Variants in FAT4 observed in about 807,000 individuals in gnomAD.
FAT4 encodes the protein FAT atypical cadherin 4.
A neutral mutation model predicts 303.9 loss-of-function variants in FAT4; 84 were observed. That is an observed-to-expected ratio of 0.28 (90% CI 0.23 to 0.33). The LOEUF is 0.33. FAT4 is among the 10% of genes least tolerant of loss of function. The pLI, the probability that FAT4 is intolerant of heterozygous loss-of-function variation, is 1.00. For synonymous variants in FAT4, 2,307 were observed against 2,298.8 expected (o/e 1.00, Z -0.10); for missense variants, 6,005 against 6,146.8 (o/e 0.98, Z 0.77).
chr4:125,318,286 A>G lies in FAT4; in HGVS notation c.1875A>G (p.Ala625=), dbSNP rs973168858. The change falls in exon 2 of 18, where the codon GCA becomes GCG. Residue 625 remains alanine (A), a synonymous_variant. Coordinates refer to ENST00000394329, the MANE Select transcript of FAT4 (RefSeq NM_001291303.3). ...CAGTGCGCTTCTCCTTACAAGAGGC[A>G]GAGACTGACCGGAGGTCCTTCCGTC... ...NGTVRFSLQE[A]ETDRRSFRLD... 1 of 1,614,232 alleles carries G rather than the reference A, an allele frequency of 6.2e-7. No homozygotes were observed. The highest frequency in any genetic ancestry group is 2.2e-5 in the East Asian group (1 of 44,864).
intron 17 of FAT4, among the ~76,000 whole-genome samples, chr4:125,488,309 C>G (rs1419694752): frequency 1.3e-5 from 2 of 152,088 alleles, no homozygotes; most frequent in Admixed American, 1.3e-4. Context: ...CAGTTTTGGT[C>G]TTATTTACAG....
intron 2 of FAT4, among the ~76,000 whole-genome samples, 200 bp downstream of exon 2, chr4:125,321,786 A>C (rs1730964208): frequency 6.6e-6 from 1 of 152,188 alleles, no homozygotes; most frequent in Non-Finnish European, 1.5e-5. Context: ...TAAACAACAA[A>C]CTTTCTTTTC....
chr4:125,320,206 TC>T lies in FAT4; in HGVS notation c.3796del (p.Gln1266ArgfsTer2). 6.2e-7 allele frequency: 1 copy of T among 1,613,760 alleles called. No individual in the cohort carries two copies. The highest frequency in any genetic ancestry group is 8.5e-7 in the Non-Finnish European group (1 of 1,179,624). On this transcript the variant is annotated frameshift_variant, in exon 2 of 18. Transcript: ENST00000394329. LOFTEE classifies it high-confidence loss of function. ...AGTTTGCTATAGACAGTACCTCTGGTCAGGTAACACTAATTGGCAAATTAGA... is the reference window on the plus strand; with the variant it reads ...AGTTTGCTATAGACAGTACCTCTGGTAGGTAACACTAATTGGCAAATTAGA... ...RQFAIDSTSGQVTLIGKLDYE... is the reference protein window; with the variant it reads ...RQFAIDSTSGXVTLIGKLDYE...
In FAT4 at chr4:125,449,276, A is replaced by G. The variant is rs764341477; in HGVS notation, c.8266A>G (p.Ser2756Gly). 2 of 1,613,872 alleles carry G rather than the reference A, an allele frequency of 1.2e-6. No individual in the cohort carries two copies. Among genetic ancestry groups the G allele is most frequent in the Non-Finnish European group, 1.7e-6 (2 of 1,179,916 alleles). The change falls in exon 10 of 18, where the codon AGT becomes GGT. Residue 2756 changes from serine (S) to glycine (G), a missense_variant. Transcript: ENST00000394329. ...ATCAGACAAAGGGTCCCCGTCTCAG[A>G]GTACTTCAGTAAAAGTCATGATTAA... Reference protein sequence around the residue: ...KSSDKGSPSQSTSVKVMINIL... With the variant: ...KSSDKGSPSQGTSVKVMINIL...
chr4:125,432,996 C>G (rs1235624689), intron 7 of FAT4, among the ~76,000 whole-genome samples: 1 of 152,108 alleles, frequency 6.6e-6, no homozygotes, highest in African/African-American at 2.4e-5. Context: ...TCCATAATTT[C>G]CCCATCTGTT....
rs1419162921 is a variant in FAT4 at position 125,415,617 on chromosome 4, T to G, written c.6654T>G (p.Asp2218Glu). The change falls in exon 6 of 18, where the codon GAT (aspartate) becomes GAG (glutamate). Residue 2218 changes from aspartate (D) to glutamate (E), a missense_variant. By Grantham distance (45) the Asp-to-Glu change is conservative. Transcript: ENST00000394329. Reference sequence around the variant, plus strand: ...CCATCACTGTCGCTAAACCTTTGGATAGAGAAAAGACCCCTACCTACCATT... The same window carrying G: ...CCATCACTGTCGCTAAACCTTTGGAGAGAGAAAAGACCCCTACCTACCATT... ...TGAITVAKPL[D>E]REKTPTYHLT... The G allele has an allele frequency of 6.2e-7, 1 of 1,614,016 alleles. No individual in the cohort carries two copies. The highest frequency in any genetic ancestry group is 1.7e-5 in the Admixed American group (1 of 59,998).
chr4:125,318,318 C>G lies in FAT4; in HGVS notation c.1907C>G (p.Pro636Arg). The G allele has an allele frequency of 6.2e-7, 1 of 1,614,194 alleles. No homozygotes were observed. The highest frequency in any genetic ancestry group is 2.2e-5 in the East Asian group (1 of 44,858). The change falls in exon 2 of 18, where the codon CCT becomes CGT. Residue 636 changes from proline to arginine, a missense_variant. Transcript: ENST00000394329. ...GACCGGAGGTCCTTCCGTCTGGATCCTGTGTCTGGGAGGTTGAGTACTATT... is the reference window on the plus strand; with the variant it reads ...GACCGGAGGTCCTTCCGTCTGGATCGTGTGTCTGGGAGGTTGAGTACTATT... ...ETDRRSFRLDPVSGRLSTISS... is the reference protein window; with the variant it reads ...ETDRRSFRLDRVSGRLSTISS...
chr4:125,455,101 A>G (rs1422027521), intron 10 of FAT4, among the ~76,000 whole-genome samples: 1 of 152,204 alleles, frequency 6.6e-6, no homozygotes, highest in Non-Finnish European at 1.5e-5. Flanking sequence ...ACCCATCCCC[A>G]AAATTACTTT....
At chr4:125,482,157 T>C (rs576775177) in intron 16 of FAT4, among the ~76,000 whole-genome samples, 7 of 152,332 alleles carry the variant, frequency 4.6e-5, no homozygotes, top group African/African-American at 1.7e-4. Context: ...TTGACAGGAT[T>C]AGAATAAGGA....
At chr4:125,374,306 G>A (rs1258564538) in intron 2 of FAT4, among the ~76,000 whole-genome samples, 1 of 152,124 alleles carries the variant, frequency 6.6e-6, no homozygotes, top group South Asian at 2.1e-4. Context: ...CTTTGAAGTT[G>A]CAACACTCCA....
intron 10 of FAT4, among the ~76,000 whole-genome samples, chr4:125,456,112 G>A (rs370030363): frequency 1.3e-5 from 2 of 152,058 alleles, no homozygotes; most frequent in African/African-American, 2.4e-5. Context: ...CTTGAACCCC[G>A]CTGGAAGGGA....
chr4:125,481,501 T>G lies in FAT4; in HGVS notation c.12605-20T>G, dbSNP rs1727225332. ...GCCAAATGAATGCATTCATTTTCCC[T>G]TTTTTCCTTTGACTTCCAGCTGTTA... On this transcript the variant is annotated intron_variant, in intron 15 of 17. Coordinates refer to ENST00000394329, the MANE Select transcript of FAT4 (RefSeq NM_001291303.3). 6.2e-7 allele frequency: 1 copy of G among 1,608,956 alleles called. No homozygotes were observed. Among genetic ancestry groups the G allele is most frequent in the Non-Finnish European group, 8.5e-7 (1 of 1,175,956 alleles).
At chr4:125,386,085 G>A (rs919803500) in intron 2 of FAT4, among the ~76,000 whole-genome samples, 7 of 152,014 alleles carry the variant, frequency 4.6e-5, no homozygotes, top group Non-Finnish European at 1.0e-4. Flanking sequence ...TGTAATAGTT[G>A]GTTCACCTCC....
chr4:125,431,686 T>G (rs1725288345), intron 7 of FAT4, among the ~76,000 whole-genome samples: 1 of 152,122 alleles, frequency 6.6e-6, no homozygotes, highest in Non-Finnish European at 1.5e-5. Flanking sequence ...TGAAGATTGA[T>G]TTTTAGTGAG....
intron 15 of FAT4, among the ~76,000 whole-genome samples, chr4:125,481,073 ATACT>A: frequency 6.6e-6 from 1 of 152,268 alleles, no homozygotes; most frequent in Admixed American, 6.5e-5. Flanking sequence ...ACCGATGTAA[ATACT>A]TGATTGAACA....
chr4:125,465,356 C>T (rs186903002), intron 11 of FAT4, among the ~76,000 whole-genome samples: 136 of 152,246 alleles, frequency 8.9e-4, no homozygotes, highest in African/African-American at 2.8e-3. Flanking sequence ...GGTGTCTCAT[C>T]ATTTTAAGTG....
At chr4:125,427,117 C>G (rs1226133471) in intron 7 of FAT4, among the ~76,000 whole-genome samples, 1 of 151,598 alleles carries the variant, frequency 6.6e-6, no homozygotes, top group Non-Finnish European at 1.5e-5. Context: ...CTTTAATGTC[C>G]TCCAAATAGT....
intron 2 of FAT4, among the ~76,000 whole-genome samples, chr4:125,358,392 T>C (rs766357865): frequency 6.6e-6 from 1 of 152,098 alleles, no homozygotes; most frequent in Non-Finnish European, 1.5e-5. Context: ...ATGAAATAGT[T>C]ATACAACTCA....
chr4:125,452,059 G>A lies in FAT4; in HGVS notation c.11049G>A (p.Leu3683=). Residue 3683 remains leucine (L), a synonymous_variant, in exon 10 of 18, where the codon CTG becomes CTA. Transcript: ENST00000394329. The stretch of plus-strand genomic sequence containing the variant: ...GGTCCACAGATGGCACGTTTGATCT[G>A]ACTGTCCTTAGCAATGATGGAGTTC... ...QPRSTDGTFD[L]TVLSNDGVHS... 2 of 1,614,126 alleles carry A rather than the reference G, an allele frequency of 1.2e-6. No individual in the cohort carries two copies. Among genetic ancestry groups the A allele is most frequent in the Non-Finnish European group, 1.7e-6 (2 of 1,180,030 alleles).
Sources: allele counts gnomAD v4.1 joint callset (sites outside exome capture counted in the v4.1 genomes callset), GRCh38; gene constraint gnomAD v4.1.1; transcripts MANE v1.5; gene names NCBI Gene and HGNC (gene_info 2026-07-23, HGNC 2026-07-21).